The following PPM1L variants were observed in gnomAD, a reference collection of about 807,000 sequenced individuals.
The protein encoded by PPM1L is protein phosphatase, Mg2+/Mn2+ dependent 1L.
In PPM1L, 13 loss-of-function variants were observed where a neutral mutation model predicts 31.4. That is an observed-to-expected ratio of 0.41 (90% CI 0.27 to 0.66). The LOEUF (loss-of-function observed/expected upper bound fraction) is 0.66, where lower values mean the gene tolerates loss of function less well. PPM1L is among the 30% of genes least tolerant of loss of function. PPM1L has a pLI of 0.29. For synonymous variants in PPM1L, 184 were observed against 175.4 expected, an observed-to-expected ratio of 1.05 and a Z score of -0.39; for missense variants, 326 against 453.7, an observed-to-expected ratio of 0.72 and a Z score of 2.56.
intron 1 of PPM1L, among the ~76,000 whole-genome samples, chr3:160,901,324 C>T (rs978666190): frequency 1.3e-4 from 20 of 152,064 alleles, no homozygotes; most frequent in African/African-American, 4.8e-4. Flanking sequence ...TATAACATAG[C>T]CTCCTAGTTG....
At chr3:160,807,322 T>C (rs576616131) in intron 1 of PPM1L, among the ~76,000 whole-genome samples, 1 of 152,366 alleles carries the variant, frequency 6.6e-6, no homozygotes, top group African/African-American at 2.4e-5. Context: ...TGACAAGTTA[T>C]TAATCATCAA....
intron 2 of PPM1L, among the ~76,000 whole-genome samples, chr3:161,040,318 G>A (rs1179441339): frequency 6.6e-6 from 1 of 152,084 alleles, no homozygotes; most frequent in Non-Finnish European, 1.5e-5. Context: ...TAATTCTTAA[G>A]TAGTGCTAAG....
chr3:160,836,922 C>G (rs1713736037), intron 1 of PPM1L, among the ~76,000 whole-genome samples: 1 of 152,122 alleles, frequency 6.6e-6, no homozygotes, highest in South Asian at 2.1e-4. Flanking sequence ...GACATTAGCT[C>G]CACTGGAGGA....
intron 1 of PPM1L, among the ~76,000 whole-genome samples, chr3:160,907,426 A>T (rs1010560154): frequency 6.6e-6 from 1 of 152,224 alleles, no homozygotes; most frequent in Non-Finnish European, 1.5e-5. Flanking sequence ...TATGCAATTT[A>T]TGTTCAGGAA....
chr3:160,757,392 G>A (rs186006312), intron 1 of PPM1L, among the ~76,000 whole-genome samples: 1 of 152,386 alleles, frequency 6.6e-6, no homozygotes, highest in East Asian at 1.9e-4. Flanking sequence ...CGCAAAGGAG[G>A]CGGTGCTTTG....
intron 1 of PPM1L, among the ~76,000 whole-genome samples, chr3:160,850,713 A>G (rs1711503264): frequency 6.6e-6 from 1 of 152,042 alleles, no homozygotes; most frequent in Non-Finnish European, 1.5e-5. Flanking sequence ...GACCAAATAT[A>G]TATTTCTTAT....
At chr3:160,876,597 C>A (rs1712520644) in intron 1 of PPM1L, among the ~76,000 whole-genome samples, 1 of 152,244 alleles carries the variant, frequency 6.6e-6, no homozygotes, top group African/African-American at 2.4e-5. Flanking sequence ...TGTGCTATTA[C>A]TATGTGAGTG....
intron 1 of PPM1L, among the ~76,000 whole-genome samples, chr3:160,799,411 G>A (rs56180903): frequency 6.6e-6 from 1 of 152,102 alleles, no homozygotes; most frequent in South Asian, 2.1e-4. Flanking sequence ...CCCTCCACCA[G>A]CAAAATTGCT....
intron 2 of PPM1L, among the ~76,000 whole-genome samples, chr3:161,056,654 T>C (rs1279972245): frequency 6.6e-6 from 1 of 151,078 alleles, no homozygotes; most frequent in Admixed American, 6.6e-5. Flanking sequence ...TAAATTATAC[T>C]AGTACAATTA....
chr3:160,813,207 C>T (rs1168549887), intron 1 of PPM1L, among the ~76,000 whole-genome samples: 3 of 151,546 alleles, frequency 2.0e-5, no homozygotes, highest in African/African-American at 7.3e-5. Context: ...TTTACATCCC[C>T]CAAATTATGG....
chr3:160,799,823 T>G (rs1560109920), intron 1 of PPM1L, among the ~76,000 whole-genome samples: 2 of 152,238 alleles, frequency 1.3e-5, no homozygotes. Flanking sequence ...CCCTCTATTT[T>G]CTGATACTTC....
At chr3:160,855,404 C>T (rs1017911630) in intron 1 of PPM1L, among the ~76,000 whole-genome samples, 3 of 152,148 alleles carry the variant, frequency 2.0e-5, no homozygotes, top group Non-Finnish European at 4.4e-5. Flanking sequence ...GAACTCTGCA[C>T]AGTGAAAGAA....
intron 2 of PPM1L, among the ~76,000 whole-genome samples, chr3:160,967,274 A>G (rs1716182175): frequency 6.6e-6 from 1 of 151,974 alleles, no homozygotes; most frequent in Non-Finnish European, 1.5e-5. Flanking sequence ...TTTTCTTTAT[A>G]ATTACCCAGT....
intron 1 of PPM1L, among the ~76,000 whole-genome samples, chr3:160,812,224 C>T (rs1712834839): frequency 6.6e-6 from 1 of 152,164 alleles, no homozygotes; most frequent in African/African-American, 2.4e-5. Flanking sequence ...GTTCTTTCTC[C>T]CCTTTTCCCA....
chr3:161,015,572 A>C (rs1356182379), intron 2 of PPM1L, among the ~76,000 whole-genome samples: 1 of 152,136 alleles, frequency 6.6e-6, no homozygotes, highest in African/African-American at 2.4e-5. Context: ...TTCCAGACAA[A>C]GGCTTTCCTG....
chr3:161,010,958 C>T (rs188797051), intron 2 of PPM1L, among the ~76,000 whole-genome samples: 4 of 152,312 alleles, frequency 2.6e-5, no homozygotes, highest in African/African-American at 4.8e-5. Flanking sequence ...TTCTCCCATT[C>T]TGTAGGTTGC....
At chr3:160,832,830 T>G (rs191287891) in intron 1 of PPM1L, among the ~76,000 whole-genome samples, 1 of 152,270 alleles carries the variant, frequency 6.6e-6, no homozygotes, top group Admixed American at 6.5e-5. Context: ...TGTAAATGTG[T>G]GTCATGATGG....
In PPM1L at chr3:160,977,759, A is replaced by C. The variant is rs907954544; in HGVS notation, c.574+15849A>C. 3.3e-5 allele frequency among the ~76,000 whole-genome samples: 5 copies of C among 152,202 alleles called. No individual in the cohort carries two copies. The East Asian group carries it at 9.6e-4, about 29-fold the overall frequency. ...CCATAAAGAATACTAAAGTATAATA[A>C]TATACTTTAATTAAGCATCCAATTT... is the stretch of plus-strand genomic sequence containing the variant. On this transcript the variant is annotated intron_variant, in intron 2 of 3. Coordinates refer to ENST00000498165, the MANE Select transcript of PPM1L (RefSeq NM_139245.4).
At chr3:160,917,547 T>C (rs1371276173) in intron 1 of PPM1L, among the ~76,000 whole-genome samples, 1 of 152,156 alleles carries the variant, frequency 6.6e-6, no homozygotes, top group African/African-American at 2.4e-5. Flanking sequence ...CCAATATCAC[T>C]CAGAGCTTAT....
Sources: gnomAD v4.1 joint callset for allele counts (sites outside exome capture counted in the v4.1 genomes callset) on GRCh38, gnomAD v4.1.1 for gene constraint, MANE v1.5 for transcripts, NCBI Gene and HGNC (gene_info 2026-07-23, HGNC 2026-07-21) for gene names.